IL1RAPL1: variants seen among roughly 807,000 people sequenced by gnomAD.
The protein encoded by IL1RAPL1 is interleukin-1 receptor accessory protein-like 1.
IL1RAPL1 carries 3 observed loss-of-function variants against 48.4 expected under a neutral mutation model. The observed-to-expected ratio is 0.06, with a 90% CI of 0.03 to 0.16. The LOEUF is 0.16. Ranked by LOEUF, IL1RAPL1 falls within the 10% of genes least tolerant of loss-of-function variation. The pLI, the probability that IL1RAPL1 is intolerant of heterozygous loss-of-function variation, is 1.00. For synonymous variants in IL1RAPL1, 185 were observed against 187.7 expected, an observed-to-expected ratio of 0.99 and a Z score of 0.12; for missense variants, 349 against 530.6, an observed-to-expected ratio of 0.66 and a Z score of 3.36.
chrX:29,736,281 T>A (rs1928041127), intron 6 of IL1RAPL1, among the ~76,000 whole-genome samples: 1 of 112,115 alleles, frequency 8.9e-6, no homozygotes, highest in African/African-American at 3.2e-5. Context: ...TGCCAGCTAC[T>A]CAGGAAGCTG....
intron 6 of IL1RAPL1, among the ~76,000 whole-genome samples, chrX:29,775,657 A>G (rs1363642264): frequency 9.0e-6 from 1 of 111,388 alleles, no homozygotes; most frequent in Admixed American, 9.6e-5. Flanking sequence ...CACTTATTAT[A>G]ATAGTCCTAG....
chrX:29,292,170 A>C (rs1417976873), intron 3 of IL1RAPL1, among the ~76,000 whole-genome samples: 1 of 112,278 alleles, frequency 8.9e-6, no homozygotes, highest in East Asian at 2.8e-4. Context: ...GTTCCTTAGA[A>C]TACCTTGTGG....
At position 29,845,892 on chromosome X, in the gene IL1RAPL1, G is replaced by C. The variant is rs371705090; in HGVS notation, c.779-71572G>C. On this transcript the variant is annotated intron_variant, in intron 6 of 10. Coordinates refer to ENST00000378993, the MANE Select transcript of IL1RAPL1 (RefSeq NM_014271.4). ...GAAACAGCAGCAAGAGAGCAAGGGG[G>C]GAGGTGCCACACTTTTAAACAACCA... 1.4e-4 allele frequency among the ~76,000 whole-genome samples: 15 copies of C among 110,361 alleles called. No homozygotes were observed. The South Asian group carries it at 5.5e-3, about 41-fold the overall frequency.
chrX:28,731,592 T>C (rs1250808669), intron 1 of IL1RAPL1, among the ~76,000 whole-genome samples: 3 of 111,798 alleles, frequency 2.7e-5, no homozygotes, highest in African/African-American at 9.7e-5. Flanking sequence ...GCATATTCAT[T>C]TTTTTATCAG....
intron 3 of IL1RAPL1, among the ~76,000 whole-genome samples, chrX:29,303,039 A>T (rs1472439109): frequency 1.8e-5 from 2 of 112,007 alleles, no homozygotes; most frequent in Non-Finnish European, 3.8e-5. Context: ...TTCCTGATTG[A>T]GGGTTTCTTC....
chrX:29,900,948 G>A (rs528648057), intron 6 of IL1RAPL1, among the ~76,000 whole-genome samples: 9 of 111,822 alleles, frequency 8.0e-5, no homozygotes, highest in Admixed American at 2.9e-4. Flanking sequence ...TATTTCTCTC[G>A]ATAAATAAAC....
intron 8 of IL1RAPL1, among the ~76,000 whole-genome samples, chrX:29,920,305 T>A (rs1932835041): frequency 9.0e-6 from 1 of 111,564 alleles, no homozygotes; most frequent in African/African-American, 3.3e-5. Context: ...TCCTTGCTTT[T>A]CTTTAATACC....
At chrX:28,667,889 C>G (rs1601852866) in intron 1 of IL1RAPL1, among the ~76,000 whole-genome samples, 1 of 111,363 alleles carries the variant, frequency 9.0e-6, no homozygotes, top group East Asian at 2.9e-4. Context: ...GGGTTCTACC[C>G]TTATGTCCTA....
chrX:29,795,294 G>T (rs1929717504), intron 6 of IL1RAPL1, among the ~76,000 whole-genome samples: 1 of 111,996 alleles, frequency 8.9e-6, no homozygotes, highest in African/African-American at 3.2e-5. Flanking sequence ...CACAGAAAAT[G>T]AGATCATTTG....
intron 5 of IL1RAPL1, among the ~76,000 whole-genome samples, chrX:29,627,372 G>A (rs1924646388): frequency 8.9e-6 from 1 of 112,227 alleles, no homozygotes. Flanking sequence ...GGTTGGAAAA[G>A]CATTGTTTCT....
At chrX:29,913,077 A>G (rs1012081721) in intron 6 of IL1RAPL1, among the ~76,000 whole-genome samples, 41 of 110,941 alleles carry the variant, frequency 3.7e-4, no homozygotes, top group African/African-American at 1.2e-3. Context: ...TTCCCAATAA[A>G]TAGTACCTGG....
rs946779017 is a variant in IL1RAPL1 at position 29,399,285 on chromosome X, G to A, written c.680G>A (p.Arg227Lys). Residue 227 changes from arginine (R) to lysine (K), a missense_variant, in exon 5 of 11, where the codon AGA becomes AAA. By Grantham distance (26) the Arg-to-Lys change is conservative. Coordinates refer to ENST00000378993, the MANE Select transcript of IL1RAPL1 (RefSeq NM_014271.4). ...AAATATGGAGGCTTTGTTGTGAGAAGAACTACTGAATTAACTGTTACAGGT... is the reference window on the plus strand; with the variant it reads ...AAATATGGAGGCTTTGTTGTGAGAAAAACTACTGAATTAACTGTTACAGGT... ...ELKYGGFVVRRTTELTVTAPL... is the reference protein window; with the variant it reads ...ELKYGGFVVRKTTELTVTAPL... 3 of 1,205,033 alleles carry A rather than the reference G, an allele frequency of 2.5e-6. No homozygotes were observed. The highest frequency in any genetic ancestry group is 2.2e-6 in the Non-Finnish European group (2 of 889,636).
At chrX:28,970,016 T>TGTTTAG (rs1925030238) in intron 2 of IL1RAPL1, among the ~76,000 whole-genome samples, 2 of 110,854 alleles carry the variant, frequency 1.8e-5, no homozygotes, top group African/African-American at 6.5e-5. Context: ...CATATATATA[T>TGTTTAG]AAAGATAAAG....
chrX:29,596,745 T>G (rs1399759318), intron 5 of IL1RAPL1, among the ~76,000 whole-genome samples: 4 of 112,019 alleles, frequency 3.6e-5, no homozygotes, highest in African/African-American at 1.3e-4. Flanking sequence ...CTGATTGCGC[T>G]GGCTGGGACT....
intron 5 of IL1RAPL1, among the ~76,000 whole-genome samples, chrX:29,490,140 T>G (rs1935139952): frequency 9.0e-6 from 1 of 110,858 alleles, no homozygotes; most frequent in South Asian, 3.8e-4. Context: ...GGCAGCATGG[T>G]ACATAGGAAC....
intron 2 of IL1RAPL1, among the ~76,000 whole-genome samples, chrX:29,159,576 A>G (rs1929640556): frequency 8.9e-6 from 1 of 112,246 alleles, no homozygotes. Context: ...GAAGTGACAC[A>G]CATTTTTGAT....
At position 29,013,642 on chromosome X, in the gene IL1RAPL1, G is replaced by A. The variant is rs185093265; in HGVS notation, c.82+224217G>A. Among the ~76,000 whole-genome samples the A allele has an allele frequency of 4.2e-4, 47 of 111,626 alleles. No individual in the cohort carries two copies. In the East Asian group the frequency reaches 0.013, roughly 30 times the overall value. On this transcript the variant is annotated intron_variant, in intron 2 of 10. Coordinates refer to ENST00000378993, the MANE Select transcript of IL1RAPL1 (RefSeq NM_014271.4). ...AACCAAACACCACACGTTCTTACTT[G>A]TAAGTGGGAGCTGAATGATGAGAAC...
intron 2 of IL1RAPL1, among the ~76,000 whole-genome samples, chrX:29,211,849 C>G (rs1930775234): frequency 9.0e-6 from 1 of 111,469 alleles, no homozygotes; most frequent in African/African-American, 3.3e-5. Flanking sequence ...TTTTCCTGAT[C>G]TCTACATATT....
intron 7 of IL1RAPL1, among the ~76,000 whole-genome samples, chrX:29,918,144 A>AAAAAAAAAAAAATATATATATAT (rs1555935868): frequency 8.4e-5 from 2 of 23,751 alleles, no homozygotes; most frequent in Non-Finnish European, 1.3e-4. Flanking sequence ...AAAAAAAAAA[A>AAAAAAAAAAAAATATATATATAT]ATATATATAT....
Sources: allele counts gnomAD v4.1 joint callset (sites outside exome capture counted in the v4.1 genomes callset), GRCh38; gene constraint gnomAD v4.1.1; transcripts MANE v1.5; gene names NCBI Gene and HGNC (gene_info 2026-07-23, HGNC 2026-07-21).